The following ZNF469 variants were observed in gnomAD, a reference collection of about 807,000 sequenced individuals.
ZNF469 encodes zinc finger protein 469.
A neutral mutation model predicts 1.0 loss-of-function variants in ZNF469; 1 was observed. The observed-to-expected ratio is 1.00, with a 90% CI of 0.35 to 4.73. The LOEUF (loss-of-function observed/expected upper bound fraction) is 4.73, where lower values mean the gene tolerates loss of function less well. ZNF469 is among the 30% of genes most tolerant of loss of function. The probability of loss-of-function intolerance (pLI) is 0.16; values close to 1 mark genes in which losing one functional copy is unlikely to be tolerated. For synonymous variants in ZNF469, 2,703 were observed against 2,363.4 expected (o/e 1.14, Z -4.17); for missense variants, 6,100 against 5,356.3 (o/e 1.14, Z -4.33).
At chr16:88,227,206 C>T in the ZNF469 span, among the ~76,000 whole-genome samples, 2 of 152,198 alleles carry the variant, frequency 1.3e-5, no homozygotes, top group African/African-American at 2.4e-5. Context: ...AGCCCCTTGC[C>T]CGTCGTGGGG....
the ZNF469 span, among the ~76,000 whole-genome samples, chr16:88,196,700 C>A: frequency 2.6e-3 from 397 of 152,304 alleles, 1 homozygote; most frequent in African/African-American, 9.1e-3. Context: ...TCTTGGTAGC[C>A]CTTTAGTCAG....
At chr16:88,245,163 G>T in the ZNF469 span, among the ~76,000 whole-genome samples, 2 of 152,176 alleles carry the variant, frequency 1.3e-5, no homozygotes, top group Non-Finnish European at 2.9e-5. Flanking sequence ...TGTTCTGAGG[G>T]GATCAAGTCC....
Position 88,432,058 on chromosome 16 carries a change from C to T in ZNF469, c.4588C>T (p.Pro1530Ser), listed in dbSNP as rs1461442407. Residue 1530 changes from proline (P) to serine (S), a missense_variant, in exon 3 of 3, where the codon CCT (proline) becomes TCT (serine). Physicochemically the swap from Pro to Ser is moderately conservative, Grantham distance 74. Coordinates refer to ENST00000565624, the MANE Select transcript of ZNF469 (RefSeq NM_001367624.2). ...AAAGGTGCTCAGTAAGACGTGTCCCCCTGAACGGACAGTGGTTCCCGGCGC... is the reference window on the plus strand; with the variant it reads ...AAAGGTGCTCAGTAAGACGTGTCCCTCTGAACGGACAGTGGTTCCCGGCGC... ...GGKVLSKTCPPERTVVPGAAP... is the reference protein window; with the variant it reads ...GGKVLSKTCPSERTVVPGAAP... 1 of 1,550,570 alleles carries T rather than the reference C, an allele frequency of 6.4e-7. No homozygotes were observed. The highest frequency in any genetic ancestry group is 2.4e-5 in the East Asian group (1 of 40,918).
chr16:88,237,731 T>C, the ZNF469 span, among the ~76,000 whole-genome samples: 1 of 107,262 alleles, frequency 9.3e-6, no homozygotes, highest in Admixed American at 9.3e-5. Context: ...CCCTCCGTGC[T>C]CCTGCCACGC....
chr16:88,354,940 G>A, the ZNF469 span, among the ~76,000 whole-genome samples: 3 of 152,324 alleles, frequency 2.0e-5, no homozygotes, highest in East Asian at 5.8e-4. Flanking sequence ...TGGGGGCAGG[G>A]GGCTGAGAAG....
the ZNF469 span, among the ~76,000 whole-genome samples, chr16:88,113,538 G>A: frequency 6.6e-6 from 1 of 152,182 alleles, no homozygotes; most frequent in Non-Finnish European, 1.5e-5. Flanking sequence ...GAGGACCTGT[G>A]GCTGAAGCCC....
the ZNF469 span, among the ~76,000 whole-genome samples, chr16:88,163,647 TGGATG>T: frequency 4.0e-5 from 6 of 150,856 alleles, no homozygotes; most frequent in Admixed American, 4.0e-4. Flanking sequence ...GATGGATGGA[TGGATG>T]GATAGTTGGG....
Position 88,434,001 on chromosome 16 carries a change from G to A in ZNF469, c.6531G>A (p.Glu2177=). The A allele has an allele frequency of 1.9e-6, 3 of 1,550,286 alleles. No homozygotes were observed. Among genetic ancestry groups the A allele is most frequent in the Non-Finnish European group, 2.6e-6 (3 of 1,146,912 alleles). The part of the protein sequence containing the change: ...ACSPAWAPLE[E]ADGVQATTDT... ...CTCCTGCCTGGGCACCTCTGGAAGA[G>A]GCAGATGGCGTCCAAGCCACGACAG... The change falls in exon 3 of 3, where the codon GAG becomes GAA. Residue 2177 remains glutamate (E), a synonymous_variant. Coordinates refer to ENST00000565624, the MANE Select transcript of ZNF469 (RefSeq NM_001367624.2).
At chr16:88,240,921 C>T in the ZNF469 span, among the ~76,000 whole-genome samples, 2 of 152,112 alleles carry the variant, frequency 1.3e-5, no homozygotes, top group East Asian at 1.9e-4. Context: ...GACACACAAG[C>T]CACCTGCCAC....
At chr16:88,351,154 A>G in the ZNF469 span, among the ~76,000 whole-genome samples, 1 of 152,162 alleles carries the variant, frequency 6.6e-6, no homozygotes, top group African/African-American at 2.4e-5. Flanking sequence ...GATAGGTGAC[A>G]GGCAGTGTGG....
rs1241871812 is a variant in ZNF469 at position 88,436,562 on chromosome 16, G to A, written c.9092G>A (p.Gly3031Glu). The A allele has an allele frequency of 8.4e-6, 13 of 1,549,830 alleles. No individual in the cohort carries two copies. Among genetic ancestry groups the A allele is most frequent in the Non-Finnish European group, 1.1e-5 (13 of 1,146,944 alleles). ...PSLERERCDGGLPGNTHLLPL... is the reference protein window; with the variant it reads ...PSLERERCDGELPGNTHLLPL... The stretch of plus-strand genomic sequence containing the variant: ...CTGGAGAGAGAACGCTGTGACGGTG[G>A]GCTTCCCGGGAACACCCACCTGCTG... The change falls in exon 3 of 3, where the codon GGG becomes GAG. Residue 3031 changes from glycine to glutamate, a missense_variant. Gly to Glu is a moderately conservative substitution (Grantham distance 98, BLOSUM62 -2). Transcript: ENST00000565624.
At position 88,432,286 on chromosome 16, in the gene ZNF469, C is replaced by T; in HGVS notation, c.4816C>T (p.Pro1606Ser). The T allele has an allele frequency of 1.9e-6, 3 of 1,547,270 alleles. 1 individual carries two copies. Among genetic ancestry groups the T allele is most frequent in the Non-Finnish European group, 8.7e-7 (1 of 1,146,966 alleles). ...GGAGCTCGGCACAGGCACAGAGCCACCCTCCCAACGGCGCACCTGCCAGGC... is the reference window on the plus strand; with the variant it reads ...GGAGCTCGGCACAGGCACAGAGCCATCCTCCCAACGGCGCACCTGCCAGGC... ...RVELGTGTEP[P>S]SQRRTCQATV... is the part of the protein sequence containing the mutation. The change falls in exon 3 of 3, where the codon CCC becomes TCC. Residue 1606 changes from proline (P) to serine (S), a missense_variant. Coordinates refer to ENST00000565624, the MANE Select transcript of ZNF469 (RefSeq NM_001367624.2).
chr16:88,300,494 C>T, the ZNF469 span, among the ~76,000 whole-genome samples: 5 of 152,078 alleles, frequency 3.3e-5, no homozygotes, highest in South Asian at 6.2e-4. Flanking sequence ...GCGCCATGCT[C>T]GGTGCTGCCA....
At chr16:88,202,672 G>A in the ZNF469 span, among the ~76,000 whole-genome samples, 1 of 152,188 alleles carries the variant, frequency 6.6e-6, no homozygotes, top group Non-Finnish European at 1.5e-5. Flanking sequence ...GAAACGTTGT[G>A]TCTGCATTTC....
the ZNF469 span, among the ~76,000 whole-genome samples, chr16:88,357,928 G>A: frequency 0.038 from 5,796 of 152,324 alleles, 360 homozygotes; most frequent in African/African-American, 0.13. Flanking sequence ...TTCTGCAGGC[G>A]CCTTCCACAC....
the ZNF469 span, among the ~76,000 whole-genome samples, chr16:88,247,809 G>C: frequency 6.6e-6 from 1 of 152,096 alleles, no homozygotes; most frequent in African/African-American, 2.4e-5. Flanking sequence ...GAATGAGTGA[G>C]TGAGTGAGTG....
At chr16:88,397,707 A>G (rs1024042117) in intron 1 of ZNF469, among the ~76,000 whole-genome samples, 4 of 143,194 alleles carry the variant, frequency 2.8e-5, no homozygotes, top group Admixed American at 1.4e-4. Context: ...ATAGATATAT[A>G]CGCGAGGAAA....
chr16:88,414,778 C>T (rs950066394), intron 1 of ZNF469, among the ~76,000 whole-genome samples: 1 of 152,256 alleles, frequency 6.6e-6, no homozygotes, highest in African/African-American at 2.4e-5. Context: ...GGCCACCCCT[C>T]ACCAGGCCAC....
chr16:88,345,104 G>A, the ZNF469 span, among the ~76,000 whole-genome samples: 1 of 152,232 alleles, frequency 6.6e-6, no homozygotes, highest in African/African-American at 2.4e-5. Flanking sequence ...CCTGGGATGG[G>A]GGGAGTGGAT....
Sources: gnomAD v4.1 joint callset for allele counts (sites outside exome capture counted in the v4.1 genomes callset) on GRCh38, gnomAD v4.1.1 for gene constraint, MANE v1.5 for transcripts, NCBI Gene and HGNC (gene_info 2026-07-23, HGNC 2026-07-21) for gene names.